Variants in LAMA3 observed in about 807,000 individuals in gnomAD.
LAMA3 encodes laminin subunit alpha-3.
Under a neutral mutation model 402.0 loss-of-function variants are expected in LAMA3, and 281 were observed. That is an observed-to-expected ratio of 0.70 (90% CI 0.63 to 0.77). LAMA3 has a LOEUF of 0.77. LAMA3 is among the 30% of genes least tolerant of loss of function. The pLI, the probability that LAMA3 is intolerant of heterozygous loss-of-function variation, is 0.00. For missense variants in LAMA3, 3,840 were observed against 4,215.5 expected (o/e 0.91, Z 2.47); for synonymous variants, 1,431 against 1,558.4 (o/e 0.92, Z 1.93).
rs779553158 is a variant in LAMA3 at position 23,758,506 on chromosome 18, G to A, written c.1058G>A (p.Cys353Tyr). The change falls in exon 7 of 75, where the codon TGT (cysteine) becomes TAT (tyrosine). Residue 353 changes from cysteine (C) to tyrosine (Y), a missense_variant. Physicochemically the swap from Cys to Tyr is radical, Grantham distance 194. Coordinates refer to ENST00000313654, the MANE Select transcript of LAMA3 (RefSeq NM_198129.4). Reference sequence around the variant, plus strand: ...GCCGCTTGGGAGCAGAGCCACGAGTGTGAAGGTGGGTGTGGGGATGGGGTG... The same window carrying A: ...GCCGCTTGGGAGCAGAGCCACGAGTATGAAGGTGGGTGTGGGGATGGGGTG... ...RPAAWEQSHECEACNCHGHAS... is the reference protein window; with the variant it reads ...RPAAWEQSHEYEACNCHGHAS... 3.7e-5 allele frequency: 59 copies of A among 1,612,740 alleles called. No individual in the cohort carries two copies. Among genetic ancestry groups the A allele is most frequent in the Non-Finnish European group, 4.9e-5 (58 of 1,179,386 alleles).
chr18:23,931,410 A>G, intron 65 of LAMA3: 1 of 558,820 alleles, frequency 1.8e-6, no homozygotes, highest in South Asian at 2.1e-5. Flanking sequence ...TAATCCCAAC[A>G]ACTAAGAAGG....
At chr18:23,909,533 T>A (rs1414171278) in intron 55 of LAMA3, among the ~76,000 whole-genome samples, 2 of 152,110 alleles carry the variant, frequency 1.3e-5, no homozygotes, top group Non-Finnish European at 2.9e-5. Context: ...CCCCATTGAG[T>A]TTATTCAGGC....
rs35550543 is a variant in LAMA3, at chr18:23,777,252, T to TA, written c.1406-294dup. ...TTTCTTTAAAGCTTTGATTTTATGTTAAAAAAAAAAACAATAAAAAAGCTA... is the reference window on the plus strand; with the variant it reads ...TTTCTTTAAAGCTTTGATTTTATGTTAAAAAAAAAAAACAATAAAAAAGCTA... On this transcript the variant is annotated intron_variant, in intron 10 of 74. Coordinates refer to ENST00000313654, the MANE Select transcript of LAMA3 (RefSeq NM_198129.4). Among the ~76,000 whole-genome samples the TA allele has an allele frequency of 0.47, 69,111 of 147,918 alleles. 17,372 individuals carry two copies. The highest frequency in any genetic ancestry group is 0.58 in the Non-Finnish European group (39,127 of 67,034).
At chr18:23,721,461 T>C (rs2061211771) in intron 2 of LAMA3, among the ~76,000 whole-genome samples, 1 of 152,258 alleles carries the variant, frequency 6.6e-6, no homozygotes, top group South Asian at 2.1e-4. Flanking sequence ...GAAGATTCTG[T>C]GTGGGAGGTT....
At chr18:23,919,324 G>T (rs138272439) in intron 60 of LAMA3, among the ~76,000 whole-genome samples, 19 of 152,292 alleles carry the variant, frequency 1.2e-4, no homozygotes, top group African/African-American at 4.6e-4. Context: ...AAGCCTTCAA[G>T]CCCTAAGTCA....
intron 6 of LAMA3, among the ~76,000 whole-genome samples, chr18:23,757,991 G>A (rs1184531844): frequency 6.6e-6 from 1 of 152,152 alleles, no homozygotes; most frequent in East Asian, 1.9e-4. Flanking sequence ...TTAGTCGTAG[G>A]ACTCCAGATC....
chr18:23,773,367 A>G, intron 8 of LAMA3, 130 bp from the exon 9 acceptor site: 1 of 741,794 alleles, frequency 1.3e-6, no homozygotes, highest in Non-Finnish European at 2.4e-6. Context: ...TGCTTTTTTA[A>G]ATTATTATTT....
rs535720059 is a variant in LAMA3 at position 23,798,208 on chromosome 18, G to A, written c.1604-12158G>A. ...CAGCTTGCTAGGCAGCAGCTAGTTA[G>A]TACTGGGAACAGAGGGTAGGAAGGC... is the stretch of plus-strand genomic sequence containing the variant. On this transcript the variant is annotated intron_variant, in intron 12 of 74. Coordinates refer to ENST00000313654, the MANE Select transcript of LAMA3 (RefSeq NM_198129.4). 2.0e-3 allele frequency among the ~76,000 whole-genome samples: 304 copies of A among 152,016 alleles called. 1 individual carries two copies. The highest frequency in any genetic ancestry group is 7.1e-3 in the African/African-American group (295 of 41,430).
At chr18:23,934,969 T>C (rs1255453098) in intron 67 of LAMA3, among the ~76,000 whole-genome samples, 1 of 152,214 alleles carries the variant, frequency 6.6e-6, no homozygotes, top group Admixed American at 6.5e-5. Flanking sequence ...ACTTCATAAA[T>C]CCAGAAGGGC....
rs1447486905 is a variant in LAMA3 at position 23,903,011 on chromosome 18, A to T, written c.6204A>T (p.Arg2068Ser). 1.3e-6 allele frequency: 2 copies of T among 1,585,664 alleles called. No individual in the cohort carries two copies. The highest frequency in any genetic ancestry group is 2.2e-5 in the South Asian group (2 of 90,560). The change falls in exon 49 of 75, where the codon AGA (arginine) becomes AGT (serine). Residue 2068 changes from arginine (R) to serine (S), a missense_variant and splice_region_variant. Coordinates refer to ENST00000313654, the MANE Select transcript of LAMA3 (RefSeq NM_198129.4). ...ENERALGAIQRQVKEINSLQS... is the reference protein window; with the variant it reads ...ENERALGAIQSQVKEINSLQS... The stretch of plus-strand genomic sequence containing the variant: ...CAATTTTTTTTTATTTTCTCCAGAG[A>T]CAAGTGAAAGAAATAAATTCCCTGC...
In LAMA3 at chr18:23,861,601, C is replaced by T. The variant is rs1291702221; in HGVS notation, c.4423-45C>T. On this transcript the variant is annotated intron_variant, in intron 34 of 74. Transcript: ENST00000313654. ...CATGCACCCATCACCCCAGGGATGC[C>T]ACGACCAAGACGTTTCCATCCCTTG... is the stretch of plus-strand genomic sequence containing the variant. 1.9e-6 allele frequency: 3 copies of T among 1,610,784 alleles called. No homozygotes were observed. The South Asian group carries it at 3.3e-5, about 18-fold the overall frequency.
chr18:23,784,071 A>G lies in LAMA3; in HGVS notation c.1517A>G (p.His506Arg), dbSNP rs1243539220. 3.1e-6 allele frequency: 5 copies of G among 1,614,038 alleles called. No homozygotes were observed. In the African/African-American group the frequency reaches 5.3e-5, roughly 17 times the overall value. Residue 506 changes from histidine (H) to arginine (R), a missense_variant, in exon 12 of 75, where the codon CAC (histidine) becomes CGC (arginine). By Grantham distance (29) the His-to-Arg change is conservative. Coordinates refer to ENST00000313654, the MANE Select transcript of LAMA3 (RefSeq NM_198129.4). ...EGVLPEICDA[H>R]GRCLCRPGVE... ...GTTCTCCCTGAAATATGTGATGCCC[A>G]CGGACGGTGCCTGTGCCGCCCTGGG...
At chr18:23,906,822 G>A (rs1052900723) in intron 52 of LAMA3, among the ~76,000 whole-genome samples, 1 of 152,146 alleles carries the variant, frequency 6.6e-6, no homozygotes, top group African/African-American at 2.4e-5. Flanking sequence ...GCTAAACAGG[G>A]TTAGGATGCT....
At chr18:23,911,249 T>C (rs1374372332) in intron 55 of LAMA3, among the ~76,000 whole-genome samples, 1 of 152,068 alleles carries the variant, frequency 6.6e-6, no homozygotes, top group Non-Finnish European at 1.5e-5. Context: ...CATCGCTAAG[T>C]CCCCTGATTT....
At chr18:23,844,788 T>C (rs1202369791) in intron 29 of LAMA3, among the ~76,000 whole-genome samples, 3 of 152,218 alleles carry the variant, frequency 2.0e-5, no homozygotes. Context: ...TACTTACAGA[T>C]TGAGCATCCC....
chr18:23,803,615 G>C (rs1455697915), intron 12 of LAMA3, among the ~76,000 whole-genome samples: 1 of 152,124 alleles, frequency 6.6e-6, no homozygotes, highest in Non-Finnish European at 1.5e-5. Flanking sequence ...CAAAGAATTG[G>C]CCACAGCCCA....
intron 68 of LAMA3, 88 bp downstream of exon 68, chr18:23,939,474 G>T (rs2082422466): frequency 7.4e-7 from 1 of 1,354,026 alleles, no homozygotes; most frequent in Middle Eastern, 1.9e-4. Flanking sequence ...ATGACACCAT[G>T]CAGCTCTCTC....
chr18:23,720,450 G>C (rs928423993), intron 2 of LAMA3, among the ~76,000 whole-genome samples: 1 of 152,158 alleles, frequency 6.6e-6, no homozygotes, highest in Admixed American at 6.5e-5. Flanking sequence ...TGCCTCCCAG[G>C]TTCAAGTGAT....
chr18:23,919,509 T>C (rs1411135839), intron 60 of LAMA3, among the ~76,000 whole-genome samples: 1 of 152,194 alleles, frequency 6.6e-6, no homozygotes, highest in Admixed American at 6.5e-5. Flanking sequence ...TCATCACAAC[T>C]GTGAAGAGCT....
Sources: gnomAD v4.1 joint callset for allele counts (sites outside exome capture counted in the v4.1 genomes callset) on GRCh38, gnomAD v4.1.1 for gene constraint, MANE v1.5 for transcripts, NCBI Gene and HGNC (gene_info 2026-07-23, HGNC 2026-07-21) for gene names.